DOCK1: variants seen among roughly 807,000 people sequenced by gnomAD.
The protein encoded by DOCK1 is dedicator of cytokinesis protein 1.
DOCK1 carries 138 observed loss-of-function variants against 262.7 expected under a neutral mutation model. The ratio of observed to expected loss-of-function variants is 0.53; its 90% CI spans 0.46 to 0.61. DOCK1 has a LOEUF of 0.61. Among genes scored for constraint, DOCK1 ranks in the 20% least tolerant of loss-of-function variants. DOCK1 has a pLI of 0.00. For missense variants in DOCK1, 1,908 were observed against 2,370.7 expected, an observed-to-expected ratio of 0.80 and a Z score of 4.05; for synonymous variants, 866 against 867.4, an observed-to-expected ratio of 1.00 and a Z score of 0.03.
At chr10:127,253,680 C>T (rs1050710088) in intron 28 of DOCK1, among the ~76,000 whole-genome samples, 2 of 151,934 alleles carry the variant, frequency 1.3e-5, no homozygotes, top group Non-Finnish European at 2.9e-5. Flanking sequence ...TCAAGACCAG[C>T]CTGTGCCACA....
chr10:127,236,515 T>G (rs1564924538), intron 27 of DOCK1, among the ~76,000 whole-genome samples: 2 of 145,940 alleles, frequency 1.4e-5, no homozygotes, highest in African/African-American at 2.5e-5. Context: ...TTTTTTTTTT[T>G]TTTTTTTTTT....
intron 23 of DOCK1, among the ~76,000 whole-genome samples, chr10:127,070,484 C>T (rs1174624823): frequency 6.6e-6 from 1 of 151,922 alleles, no homozygotes; most frequent in Non-Finnish European, 1.5e-5. Context: ...GAACTCCTGA[C>T]CTTGTGATCT....
chr10:126,947,302 A>G (rs1160310416), intron 1 of DOCK1, among the ~76,000 whole-genome samples: 2 of 144,354 alleles, frequency 1.4e-5, no homozygotes, highest in Admixed American at 7.0e-5. Flanking sequence ...TGGTAGTATT[A>G]CTGTTGGTGG....
At position 127,130,214 on chromosome 10, in the gene DOCK1, G is replaced by T. The variant is rs147587128; in HGVS notation, c.2847+2450G>T. Among the ~76,000 whole-genome samples the T allele has an allele frequency of 5.8e-3, 880 of 151,932 alleles. 9 individuals are homozygous for T. The highest frequency in any genetic ancestry group is 6.3e-3 in the Non-Finnish European group (428 of 67,980). ...TTCTTGTGCCTCGGACTCCCGAGAAGCTGGGATTACAGGTGCACATCACCA... is the reference window on the plus strand; with the variant it reads ...TTCTTGTGCCTCGGACTCCCGAGAATCTGGGATTACAGGTGCACATCACCA... On this transcript the variant is annotated intron_variant, in intron 27 of 51. Transcript: ENST00000623213.
chr10:127,278,014 G>C (rs1243440673), intron 29 of DOCK1, among the ~76,000 whole-genome samples: 1 of 152,074 alleles, frequency 6.6e-6, no homozygotes, highest in Non-Finnish European at 1.5e-5. Flanking sequence ...TATGGAGCAC[G>C]CACACAGCTG....
intron 25 of DOCK1, among the ~76,000 whole-genome samples, chr10:127,116,620 T>A (rs1437976271): frequency 6.6e-6 from 1 of 152,226 alleles, no homozygotes; most frequent in Non-Finnish European, 1.5e-5. Flanking sequence ...ATATACCTTC[T>A]TAATGTTTTG....
At chr10:127,226,998 G>A (rs113855909) in intron 27 of DOCK1, among the ~76,000 whole-genome samples, 2 of 152,138 alleles carry the variant, frequency 1.3e-5, no homozygotes, top group East Asian at 1.9e-4. Context: ...ACCATGTTGC[G>A]TATTTTCTTC....
chr10:127,248,704 A>G (rs1331901499), intron 28 of DOCK1, among the ~76,000 whole-genome samples: 1 of 152,216 alleles, frequency 6.6e-6, no homozygotes, highest in African/African-American at 2.4e-5. Context: ...CAAAGCTGCA[A>G]CCAAACTTGT....
chr10:127,132,744 G>A (rs549965401), intron 27 of DOCK1, among the ~76,000 whole-genome samples: 3 of 152,242 alleles, frequency 2.0e-5, no homozygotes, highest in Admixed American at 6.5e-5. Context: ...TGTGATACGC[G>A]CTGCTGTTGC....
chr10:127,251,952 A>G (rs1245103314), intron 28 of DOCK1, among the ~76,000 whole-genome samples: 6 of 152,274 alleles, frequency 3.9e-5, no homozygotes, highest in Middle Eastern at 3.4e-3. Context: ...CTGAGGATCT[A>G]GAAGCCACAC....
chr10:127,444,338 G>GA, intron 50 of DOCK1, 59 bp downstream of exon 50: 1 of 1,523,294 alleles, frequency 6.6e-7, no homozygotes, highest in Non-Finnish European at 8.8e-7. Flanking sequence ...TCCCCTCACT[G>GA]AAGGCTCTGA....
chr10:126,948,848 C>A (rs1366953573), intron 1 of DOCK1, among the ~76,000 whole-genome samples: 1 of 152,062 alleles, frequency 6.6e-6, no homozygotes, highest in Non-Finnish European at 1.5e-5. Flanking sequence ...TATGCCTTTC[C>A]TGAGGTTGGG....
Position 127,176,323 on chromosome 10 carries a change from C to A in DOCK1, c.2847+48559C>A, listed in dbSNP as rs76646118. On this transcript the variant is annotated intron_variant, in intron 27 of 51. Coordinates refer to ENST00000623213, the MANE Select transcript of DOCK1 (RefSeq NM_001290223.2). This position sits in a 1 kb window ranked among gnomAD's most constrained non-coding sequence, Gnocchi z 4.4. The stretch of plus-strand genomic sequence containing the variant: ...TCCAGGGCGTATTTCATCTCCAGGG[C>A]CAGGCAGGCGGCGGGTTCCACTTCA... The A allele has an allele frequency of 2.2e-4, 354 of 1,613,996 alleles. No individual in the cohort carries two copies. The highest frequency in any genetic ancestry group is 2.8e-4 in the Non-Finnish European group (330 of 1,179,998).
chr10:127,368,024 T>C (rs1281280129), intron 33 of DOCK1, among the ~76,000 whole-genome samples: 2 of 152,160 alleles, frequency 1.3e-5, no homozygotes, highest in Non-Finnish European at 2.9e-5. Context: ...GCCACTTCCC[T>C]GCCCTGTCCA....
At chr10:127,043,563 T>G (rs1464114323) in intron 21 of DOCK1, among the ~76,000 whole-genome samples, 1 of 152,264 alleles carries the variant, frequency 6.6e-6, no homozygotes, top group Non-Finnish European at 1.5e-5. Context: ...GATGCAGTTT[T>G]GTACTTTGCA....
At chr10:127,014,355 C>T (rs534206730) in intron 12 of DOCK1, among the ~76,000 whole-genome samples, 7 of 152,274 alleles carry the variant, frequency 4.6e-5, no homozygotes, top group African/African-American at 1.2e-4. Context: ...ACTTTTTTCT[C>T]CTGTGAGAAA....
intron 18 of DOCK1, among the ~76,000 whole-genome samples, chr10:127,032,855 C>G (rs911569400): frequency 2.0e-5 from 3 of 152,218 alleles, no homozygotes; most frequent in Admixed American, 1.3e-4. Flanking sequence ...CTGTGCCCAG[C>G]TGTATTACTC....
intron 27 of DOCK1, among the ~76,000 whole-genome samples, chr10:127,149,838 C>A (rs986670785): frequency 1.1e-4 from 16 of 152,164 alleles, no homozygotes; most frequent in African/African-American, 3.6e-4. Flanking sequence ...CCGGGGTGTT[C>A]CAGGCATCCC....
chr10:127,012,330 T>G lies in DOCK1; in HGVS notation c.1157T>G (p.Ile386Arg). ...AGENDFLQTV[I>R]NKVIAAKEVN... ...GAGAATGACTTCCTTCAGACTGTTA[T>G]AAACAAAGTCATCGCTGCCAAAGAA... Residue 386 changes from isoleucine (I) to arginine (R), a missense_variant, in exon 12 of 52, where the codon ATA (isoleucine) becomes AGA (arginine). Coordinates refer to ENST00000623213, the MANE Select transcript of DOCK1 (RefSeq NM_001290223.2). This position sits in a 1 kb window ranked among gnomAD's most constrained non-coding sequence, Gnocchi z 4.0. The G allele has an allele frequency of 6.2e-7, 1 of 1,614,058 alleles. No homozygotes were observed. The highest frequency in any genetic ancestry group is 8.5e-7 in the Non-Finnish European group (1 of 1,179,904).
Sources: gnomAD v4.1 joint callset for allele counts (sites outside exome capture counted in the v4.1 genomes callset) on GRCh38, gnomAD v4.1.1 for gene constraint, Gnocchi (gnomAD v3.1) non-coding constraint, MANE v1.5 for transcripts, NCBI Gene and HGNC (gene_info 2026-07-23, HGNC 2026-07-21) for gene names.